MACF1: variants seen among roughly 807,000 people sequenced by gnomAD.
MACF1 encodes the protein microtubule-actin cross-linking factor 1.
MACF1 carries 193 observed loss-of-function variants against 854.8 expected under a neutral mutation model. The ratio of observed to expected loss-of-function variants is 0.23; its 90% confidence interval spans 0.20 to 0.25. The LOEUF is 0.25. Among genes scored for constraint, MACF1 ranks in the 10% least tolerant of loss-of-function variants. MACF1 has a pLI of 1.00. For synonymous variants in MACF1, 3,185 were observed against 3,226.7 expected, an observed-to-expected ratio of 0.99 and a Z score of 0.44; for missense variants, 7,722 against 8,929.1, an observed-to-expected ratio of 0.86 and a Z score of 5.45.
Position 39,447,907 on chromosome 1 carries a change from G to A in MACF1, c.19968+9G>A. ...GGAAGCGGGCAAAACAAGTAAGTTG[G>A]GGAAGAAAGATACTAATTCACTGAA... On this transcript the variant is annotated intron_variant, in intron 82 of 100. Coordinates refer to ENST00000564288, the MANE Select transcript of MACF1 (RefSeq NM_001394062.1). 6.2e-7 allele frequency: 1 copy of A among 1,613,730 alleles called. No homozygotes were observed. Among genetic ancestry groups the A allele is most frequent in the Non-Finnish European group, 8.5e-7 (1 of 1,179,914 alleles).
At chr1:39,190,521 A>AT (rs1644242958) in intron 2 of MACF1, among the ~76,000 whole-genome samples, 1 of 145,580 alleles carries the variant, frequency 6.9e-6, no homozygotes. Context: ...GTATTTTTTC[A>AT]TAACAACAGG....
At chr1:39,178,474 G>A (rs1644061845) in intron 2 of MACF1, among the ~76,000 whole-genome samples, 1 of 152,164 alleles carries the variant, frequency 6.6e-6, no homozygotes, top group Non-Finnish European at 1.5e-5. Flanking sequence ...GGTAGTAAAA[G>A]CATTTTTCTC....
At chr1:39,477,738 C>A (rs986535252) in intron 97 of MACF1, among the ~76,000 whole-genome samples, 2 of 151,938 alleles carry the variant, frequency 1.3e-5, no homozygotes, top group African/African-American at 4.8e-5. Flanking sequence ...TCTAGGTCCA[C>A]CTCTACTGCC....
intron 16 of MACF1, 107 bp from the exon 17 acceptor site, chr1:39,292,659 C>T: frequency 3.9e-6 from 3 of 777,154 alleles, no homozygotes; most frequent in African/African-American, 1.7e-5. Context: ...CTTAGAGCAA[C>T]CAATCCATAT....
intron 5 of MACF1, among the ~76,000 whole-genome samples, chr1:39,256,362 T>G (rs1645096144): frequency 6.6e-6 from 1 of 151,942 alleles, no homozygotes; most frequent in African/African-American, 2.4e-5. Flanking sequence ...AGGGGACAGG[T>G]TTTCCCACTT....
chr1:39,470,726 A>C (rs1644760812), intron 97 of MACF1, among the ~76,000 whole-genome samples: 1 of 152,216 alleles, frequency 6.6e-6, no homozygotes, highest in African/African-American at 2.4e-5. Context: ...TATTGCTTTA[A>C]TGAGAAACAA....
intron 2 of MACF1, among the ~76,000 whole-genome samples, chr1:39,132,547 G>A (rs1195502283): frequency 6.6e-6 from 1 of 152,110 alleles, no homozygotes; most frequent in African/African-American, 2.4e-5. Flanking sequence ...AGCCTAAGAG[G>A]AACTGCACAG....
chr1:39,440,260 C>T (rs1644084112), intron 72 of MACF1, among the ~76,000 whole-genome samples: 1 of 151,628 alleles, frequency 6.6e-6, no homozygotes, highest in African/African-American at 2.4e-5. Flanking sequence ...CATATGCCAC[C>T]ATGCCTGGCT....
rs954436463 is a variant in MACF1, at chr1:39,234,331, G to A, written c.171+3088G>A. On this transcript the variant is annotated intron_variant, in intron 2 of 100. Transcript: ENST00000564288. ...ACACCTCCCAGACGGGGTGGTGGCC[G>A]GGCAGAGGGGCTCCTCACTTCCCAG... Among the ~76,000 whole-genome samples the A allele has an allele frequency of 5.2e-4, 79 of 151,584 alleles. No homozygotes were observed. The East Asian group carries it at 0.011, about 21-fold the overall frequency.
chr1:39,144,581 GGT>G (rs1491557422), intron 2 of MACF1, among the ~76,000 whole-genome samples: 1 of 152,060 alleles, frequency 6.6e-6, no homozygotes, highest in Non-Finnish European at 1.5e-5. Context: ...CAACGTGTGA[GGT>G]GTCAGCCCCA....
Position 39,285,198 on chromosome 1 carries a change from C to A in MACF1, c.1247C>A (p.Pro416Gln). ...CTGGAACGAGAGAAATCACTTCGGCCGGCTGTGGAGAGGTGGGTCCAGATC... is the reference window on the plus strand; with the variant it reads ...CTGGAACGAGAGAAATCACTTCGGCAGGCTGTGGAGAGGTGGGTCCAGATC... ...EMLEREKSLR[P>Q]AVERLELLLQ... Residue 416 changes from proline to glutamine, a missense_variant, in exon 12 of 101, where the codon CCG (proline) becomes CAG (glutamine). Physicochemically the swap from Pro to Gln is moderately conservative, Grantham distance 76 (BLOSUM62 -1). Coordinates refer to ENST00000564288, the MANE Select transcript of MACF1 (RefSeq NM_001394062.1). 6.2e-7 allele frequency: 1 copy of A among 1,614,102 alleles called. No homozygotes were observed. Among genetic ancestry groups the A allele is most frequent in the Non-Finnish European group, 8.5e-7 (1 of 1,180,026 alleles).
In MACF1 at chr1:39,283,192, C is replaced by T. The variant is rs570324590; in HGVS notation, c.699C>T (p.Pro233=). Residue 233 remains proline, a synonymous_variant, in exon 8 of 101, where the codon CCC becomes CCT. Coordinates refer to ENST00000564288, the MANE Select transcript of MACF1 (RefSeq NM_001394062.1). This position sits in a 1 kb window ranked among gnomAD's most constrained non-coding sequence, Gnocchi z 4.5. Reference sequence around the variant, plus strand: ...GTGCCTTGCTGGACTTTTACAGACCCGATCTAGTAGACATGGAGAGGGTGC... The same window carrying T: ...GTGCCTTGCTGGACTTTTACAGACCTGATCTAGTAGACATGGAGAGGGTGC... ...MFNALIHRYR[P]DLVDMERVQI... The T allele has an allele frequency of 6.2e-6, 10 of 1,606,570 alleles. No individual in the cohort carries two copies. Among genetic ancestry groups the T allele is most frequent in the South Asian group, 4.4e-5 (4 of 90,812 alleles).
Position 39,387,891 on chromosome 1 carries a change from G to C in MACF1, c.15049G>C (p.Glu5017Gln). The C allele has an allele frequency of 6.2e-7, 1 of 1,613,998 alleles. No homozygotes were observed. Among genetic ancestry groups the C allele is most frequent in the Non-Finnish European group, 8.5e-7 (1 of 1,180,038 alleles). ...GACTCAGAGGCTCAGGGAGTTCCAG[G>C]AAAGCTTTAAGAATATTGAAAAGAA... is the stretch of plus-strand genomic sequence containing the variant. ...EMTQRLREFQ[E>Q]SFKNIEKKVE... is the part of the protein sequence containing the mutation. The change falls in exon 58 of 101, where the codon GAA (glutamate) becomes CAA (glutamine). Residue 5017 changes from glutamate (E) to glutamine (Q), a missense_variant. Around this residue, in one of 15 missense-constraint regions of MACF1, gnomAD observed 2,807 missense variants for 3,235.8 expected, o/e 0.87. Transcript: ENST00000564288.
Position 39,360,894 on chromosome 1 carries a change from C to T in MACF1, c.12346C>T (p.Leu4116=), listed in dbSNP as rs1443102114. Residue 4116 remains leucine, a synonymous_variant, in exon 48 of 101, where the codon CTG becomes TTG. Transcript: ENST00000564288. ...CCAATCTCAGAGTGTCCAGGAAAGC[C>T]TGGAGAGCCTGTTGCAGTCTATTGG... ...IAQSQSVQES[L]ESLLQSIGEV... is the part of the protein sequence containing the mutation. The T allele has an allele frequency of 3.1e-6, 5 of 1,613,976 alleles. No individual in the cohort carries two copies. Among genetic ancestry groups the T allele is most frequent in the South Asian group, 1.1e-5 (1 of 91,068 alleles).
At chr1:39,192,278 C>T (rs72924832) in intron 2 of MACF1, among the ~76,000 whole-genome samples, 2 of 152,200 alleles carry the variant, frequency 1.3e-5, no homozygotes, top group Non-Finnish European at 2.9e-5. Flanking sequence ...CATAGTGGCC[C>T]TGACTGCTGG....
chr1:39,441,424 G>C (rs1042068625), intron 74 of MACF1, 99 bp downstream of exon 74: 9 of 910,230 alleles, frequency 9.9e-6, no homozygotes, highest in African/African-American at 1.7e-5. Flanking sequence ...CACCTTCACA[G>C]GACTGCAGAC....
At chr1:39,400,761 G>A (rs1301790277) in intron 58 of MACF1, among the ~76,000 whole-genome samples, 1 of 152,112 alleles carries the variant, frequency 6.6e-6, no homozygotes, top group African/African-American at 2.4e-5. Flanking sequence ...GCCCACCTCA[G>A]CCTCCCAAAA....
rs114261316 is a variant in MACF1 at position 39,376,155 on chromosome 1, G to A, written c.13214-2306G>A. Among the ~76,000 whole-genome samples the A allele has an allele frequency of 5.9e-3, 898 of 152,306 alleles. 7 individuals carry two copies. Among genetic ancestry groups the A allele is most frequent in the Middle Eastern group, 0.017 (5 of 294 alleles). On this transcript the variant is annotated intron_variant, in intron 52 of 100. Transcript: ENST00000564288. ...CTGCTTTACTTTCCCCAGAAAAGCA[G>A]CATAATTGGTTTTATCTGGTGGGTT...
chr1:39,247,851 G>C (rs1175356902), intron 2 of MACF1, among the ~76,000 whole-genome samples: 1 of 152,000 alleles, frequency 6.6e-6, no homozygotes, highest in Non-Finnish European at 1.5e-5. Flanking sequence ...GTGAAACCCC[G>C]TCTCTACTAA....
Sources: gnomAD v4.1 joint callset for allele counts (sites outside exome capture counted in the v4.1 genomes callset) on GRCh38, gnomAD v4.1.1 for gene constraint, gnomAD v4.1.1 regional missense constraint, Gnocchi (gnomAD v3.1) non-coding constraint, MANE v1.5 for transcripts, NCBI Gene and HGNC (gene_info 2026-07-23, HGNC 2026-07-21) for gene names.